Variants in TANK observed in about 807,000 individuals in gnomAD.
The protein encoded by TANK is TRAF family member-associated NF-kappa-B activator.
Under a neutral mutation model 43.6 loss-of-function variants are expected in TANK, and 15 were observed. The ratio of observed to expected loss-of-function variants is 0.34; its 90% CI spans 0.23 to 0.53. TANK has a LOEUF of 0.53. TANK is among the 20% of genes least tolerant of loss of function. The pLI is 0.94. For synonymous variants in TANK, 162 were observed against 178.2 expected (o/e 0.91, Z 0.73); for missense variants, 417 against 498.6 (o/e 0.84, Z 1.56).
intron 1 of TANK, among the ~76,000 whole-genome samples, chr2:161,144,714 C>T (rs1322706053): frequency 2.6e-5 from 4 of 152,124 alleles, no homozygotes; most frequent in African/African-American, 9.6e-5. Context: ...GTTTTACTTC[C>T]AATTATGTGG....
At chr2:161,159,018 G>A (rs544072370), upstream of TANK, 37 of 152,250 alleles carry the variant, frequency 2.4e-4, no homozygotes, top group African/African-American at 8.2e-4. Flanking sequence ...CTATTAGAAT[G>A]GCCAAAATCC....
rs1331982364 is a variant in TANK, at chr2:161,204,655, A to G, written c.209-20A>G. 12 of 1,596,304 alleles carry G rather than the reference A, an allele frequency of 7.5e-6. No homozygotes were observed. The highest frequency in any genetic ancestry group is 1.0e-5 in the Non-Finnish European group (12 of 1,173,864). On this transcript the variant is annotated intron_variant, in intron 3 of 7. Coordinates refer to ENST00000392749, the MANE Select transcript of TANK (RefSeq NM_001199135.3). ...AAATAAGGGTTTTCTGCTAATGTCCAAGAGGTTTTTGTCTTGCAGATAACA... is the reference window on the plus strand; with the variant it reads ...AAATAAGGGTTTTCTGCTAATGTCCGAGAGGTTTTTGTCTTGCAGATAACA...
chr2:161,165,208 T>TGA (rs1160322629), intron 1 of TANK, among the ~76,000 whole-genome samples: 1 of 152,188 alleles, frequency 6.6e-6, no homozygotes, highest in Non-Finnish European at 1.5e-5. Context: ...GTTGAACTTA[T>TGA]GAGAGTCTTT....
chr2:161,137,959 T>C (rs1419657308), intron 1 of TANK: 1 of 518,246 alleles, frequency 1.9e-6, no homozygotes, highest in African/African-American at 2.1e-5. Flanking sequence ...AGAGCAAAAC[T>C]CCGTCTCAAA....
At chr2:161,218,864 A>C (rs1305358038) in intron 4 of TANK, among the ~76,000 whole-genome samples, 2 of 152,022 alleles carry the variant, frequency 1.3e-5, no homozygotes, top group African/African-American at 2.4e-5. Flanking sequence ...GCTGGTTTCA[A>C]ACTCCTCCCT....
chr2:161,213,643 G>GTT (rs1312644782), intron 4 of TANK, among the ~76,000 whole-genome samples: 3 of 136,664 alleles, frequency 2.2e-5, no homozygotes, highest in Non-Finnish European at 3.2e-5. Flanking sequence ...TGTTTTGAAG[G>GTT]TTTTTTTTTT....
At chr2:161,234,185 T>G (rs1284243093) in intron 7 of TANK, among the ~76,000 whole-genome samples, 4 of 152,204 alleles carry the variant, frequency 2.6e-5, no homozygotes, top group Non-Finnish European at 5.9e-5. Flanking sequence ...ATCCAAGTGC[T>G]TCCATTAGTA....
intron 1 of TANK, among the ~76,000 whole-genome samples, chr2:161,143,804 G>A (rs1029807218): frequency 6.6e-6 from 1 of 152,096 alleles, no homozygotes; most frequent in East Asian, 1.9e-4. Flanking sequence ...GCCAGGTTTT[G>A]GTATCAGGAT....
At chr2:161,230,046 C>A (rs1214407941) in intron 6 of TANK, among the ~76,000 whole-genome samples, 1 of 152,154 alleles carries the variant, frequency 6.6e-6, no homozygotes, top group African/African-American at 2.4e-5. Context: ...ATGCTTTTAG[C>A]TCTTGTTGAT....
upstream of TANK, among the ~76,000 whole-genome samples, chr2:161,157,138 G>A (rs1468222518): frequency 6.6e-6 from 1 of 152,190 alleles, no homozygotes; most frequent in African/African-American, 2.4e-5. Flanking sequence ...GGGCCGTGAG[G>A]CAGGTAGCTT....
At chr2:161,227,470 C>T (rs925967345) in intron 6 of TANK, among the ~76,000 whole-genome samples, 3 of 152,222 alleles carry the variant, frequency 2.0e-5, no homozygotes, top group Non-Finnish European at 2.9e-5. Flanking sequence ...CTACCACTTA[C>T]TATAATAGTT....
chr2:161,217,081 T>C (rs1687151101), intron 4 of TANK, among the ~76,000 whole-genome samples: 1 of 152,222 alleles, frequency 6.6e-6, no homozygotes, highest in African/African-American at 2.4e-5. Context: ...TGTTTGGAGT[T>C]TTTTTGTTTG....
chr2:161,151,129 T>C (rs1441929310), intron 1 of TANK, among the ~76,000 whole-genome samples: 1 of 152,218 alleles, frequency 6.6e-6, no homozygotes, highest in East Asian at 1.9e-4. Flanking sequence ...TCCATTTTGG[T>C]TGGAGAAGAT....
intron 2 of TANK, among the ~76,000 whole-genome samples, chr2:161,188,345 G>A (rs1202735860): frequency 6.6e-6 from 1 of 152,032 alleles, no homozygotes; most frequent in East Asian, 1.9e-4. Context: ...ATAAGAAAAT[G>A]AGGACATTAT....
chr2:161,210,161 A>G (rs980244633), intron 4 of TANK, among the ~76,000 whole-genome samples: 1 of 152,200 alleles, frequency 6.6e-6, no homozygotes, highest in Non-Finnish European at 1.5e-5. Context: ...TTTTAGGTTT[A>G]GAATAGTATA....
chr2:161,138,531 A>C (rs983980982), intron 1 of TANK, among the ~76,000 whole-genome samples: 2 of 152,092 alleles, frequency 1.3e-5, no homozygotes, highest in African/African-American at 4.8e-5. Context: ...CTTCTCACTC[A>C]CCCACTCCCA....
At chr2:161,189,432 C>A (rs988639479) in intron 2 of TANK, among the ~76,000 whole-genome samples, 4 of 152,028 alleles carry the variant, frequency 2.6e-5, no homozygotes, top group Non-Finnish European at 5.9e-5. Flanking sequence ...AGGAAAAACC[C>A]ACAACTAGCA....
At position 161,172,644 on chromosome 2, in the gene TANK, G is replaced by A. The variant is rs1435588457; in HGVS notation, c.-49-6970G>A. ...TGTCTGGCTATCACCACTTTCTACT[G>A]GGTGTTTTGAAAACCAGTGGCTGGT... On this transcript the variant is annotated intron_variant, in intron 1 of 7. Coordinates refer to ENST00000392749, the MANE Select transcript of TANK (RefSeq NM_001199135.3). Among the ~76,000 whole-genome samples, 8 of 152,038 alleles carry A rather than the reference G, an allele frequency of 5.3e-5. No individual in the cohort carries two copies. In the South Asian group the frequency reaches 6.2e-4, roughly 12 times the overall value.
intron 1 of TANK, chr2:161,160,795 T>C (rs1340177387): frequency 1.8e-6 from 1 of 547,982 alleles, no homozygotes; most frequent in Non-Finnish European, 3.6e-6. Context: ...GCCCGGGAAA[T>C]GGGGGTGGAA....
Sources: gnomAD v4.1 joint callset for allele counts (sites outside exome capture counted in the v4.1 genomes callset) on GRCh38, gnomAD v4.1.1 for gene constraint, MANE v1.5 for transcripts, NCBI Gene and HGNC (gene_info 2026-07-23, HGNC 2026-07-21) for gene names.